Variants in LRP12 observed in about 807,000 individuals in gnomAD.
LRP12 encodes the protein LDL receptor related protein 12, also known as low-density lipoprotein receptor-related protein 12.
LRP12 carries 14 observed loss-of-function variants against 66.0 expected under a neutral mutation model. The observed-to-expected ratio is 0.21, with a 90% CI of 0.14 to 0.33. The LOEUF (loss-of-function observed/expected upper bound fraction) is 0.33. Among genes scored for constraint, LRP12 ranks in the 10% least tolerant of loss-of-function variants. The pLI, the probability that LRP12 is intolerant of heterozygous loss-of-function variation, is 1.00. For missense variants in LRP12, 889 were observed against 1,053.4 expected (o/e 0.84, Z 2.16); for synonymous variants, 357 against 359.1 (o/e 0.99, Z 0.07).
chr8:104,491,108 T>A lies in LRP12; in HGVS notation c.2145A>T (p.Glu715Asp). Residue 715 changes from glutamate (E) to aspartate (D), a missense_variant, in exon 7 of 7, where the codon GAA (glutamate) becomes GAT (aspartate). By Grantham distance (45) the Glu-to-Asp change is conservative. Transcript: ENST00000276654. ...ADNGRDVTSV[E>D]PPSVSPARHQ... ...GACGTGCTGGACTCACACTTGGGGG[T>A]TCCACACTTGTCACATCCCTTCCAT... 2 of 1,613,740 alleles carry A rather than the reference T, an allele frequency of 1.2e-6. No individual in the cohort carries two copies. The highest frequency in any genetic ancestry group is 2.2e-5 in the South Asian group (2 of 91,040).
In LRP12 at chr8:104,501,896, T is replaced by C. The variant is rs142052346; in HGVS notation, c.273-2377A>G. ...TTAGTGCATTTGTTGTCCTAAGATA[T>C]CTTGGTGTTTCCAAAGATCTCAACG... On this transcript the variant is annotated intron_variant, in intron 3 of 6. Transcript: ENST00000276654. Among the ~76,000 whole-genome samples the C allele has an allele frequency of 1.9e-4, 29 of 152,340 alleles. 1 individual carries two copies. In the East Asian group the frequency reaches 5.6e-3, roughly 29 times the overall value.
In LRP12 at chr8:104,491,340, G is replaced by A; in HGVS notation, c.1913C>T (p.Pro638Leu). ...VVPSQSTSREPERNHTHRSLF... is the reference protein window; with the variant it reads ...VVPSQSTSRELERNHTHRSLF... ...ACTTCTGTGAGTATGATTTCTCTCA[G>A]GTTCTCTACTGGTACTCTGACTAGG... Residue 638 changes from proline to leucine, a missense_variant, in exon 7 of 7, where the codon CCT becomes CTT. By Grantham distance (98) the Pro-to-Leu change is moderately conservative. Coordinates refer to ENST00000276654, the MANE Select transcript of LRP12 (RefSeq NM_013437.5). 11 of 1,614,044 alleles carry A rather than the reference G, an allele frequency of 6.8e-6. No individual in the cohort carries two copies. Among genetic ancestry groups the A allele is most frequent in the Non-Finnish European group, 8.5e-6 (10 of 1,180,002 alleles).
intron 1 of LRP12, among the ~76,000 whole-genome samples, chr8:104,576,254 T>G (rs1376701693): frequency 1.3e-5 from 2 of 152,036 alleles, no homozygotes; most frequent in African/African-American, 4.8e-5. Context: ...ACGTTCAAAT[T>G]GAGAAAATGC....
chr8:104,503,912 T>C (rs1810867959), intron 3 of LRP12, among the ~76,000 whole-genome samples: 1 of 152,180 alleles, frequency 6.6e-6, no homozygotes, highest in Non-Finnish European at 1.5e-5. Context: ...GTGCTATAAT[T>C]AACTTTGACA....
chr8:104,513,545 G>A (rs1811028418), intron 2 of LRP12, among the ~76,000 whole-genome samples: 1 of 152,106 alleles, frequency 6.6e-6, no homozygotes. Flanking sequence ...CATGCTAGCA[G>A]GAAAAGGCCA....
At chr8:104,562,954 A>C (rs555409354) in intron 1 of LRP12, among the ~76,000 whole-genome samples, 26 of 152,292 alleles carry the variant, frequency 1.7e-4, no homozygotes, top group African/African-American at 5.8e-4. Flanking sequence ...AGTTCTAGTA[A>C]TAAATTTTAA....
chr8:104,559,696 A>G (rs1811872924), intron 1 of LRP12, among the ~76,000 whole-genome samples: 1 of 152,104 alleles, frequency 6.6e-6, no homozygotes, highest in Non-Finnish European at 1.5e-5. Flanking sequence ...AAAAAAAAGG[A>G]TATCTCTCTA....
chr8:104,570,083 A>T (rs1436077413), intron 1 of LRP12, among the ~76,000 whole-genome samples: 1 of 152,170 alleles, frequency 6.6e-6, no homozygotes, highest in Non-Finnish European at 1.5e-5. Flanking sequence ...CTAACAAAAC[A>T]TACAAAGGAT....
intron 1 of LRP12, among the ~76,000 whole-genome samples, chr8:104,559,971 T>C (rs1338750241): frequency 6.6e-6 from 1 of 152,120 alleles, no homozygotes; most frequent in African/African-American, 2.4e-5. Context: ...TTGTCTCCAG[T>C]TTACCAATGA....
intron 1 of LRP12, among the ~76,000 whole-genome samples, chr8:104,559,784 T>C (rs1323099898): frequency 5.3e-5 from 8 of 152,142 alleles, no homozygotes; most frequent in Admixed American, 5.2e-4. Flanking sequence ...CCATTTGATA[T>C]TCAAAAAAAG....
intron 2 of LRP12, among the ~76,000 whole-genome samples, chr8:104,523,726 A>G (rs1462764679): frequency 6.6e-6 from 1 of 152,184 alleles, no homozygotes; most frequent in Non-Finnish European, 1.5e-5. Context: ...AAGTGCTCCC[A>G]AGAAGCAAAG....
In LRP12 at chr8:104,499,708, C is replaced by T. The variant is rs114524743; in HGVS notation, c.273-189G>A. On this transcript the variant is annotated intron_variant, in intron 3 of 6. Transcript: ENST00000276654. ...ATGTTCCTCATATTTGTATTTCTTC[C>T]CCAGATTGTAGAAAAATAATTCTTC... Among the ~76,000 whole-genome samples the T allele has an allele frequency of 2.2e-3, 330 of 152,146 alleles. 2 individuals carry two copies. The highest frequency in any genetic ancestry group is 7.4e-3 in the African/African-American group (306 of 41,512).
intron 1 of LRP12, among the ~76,000 whole-genome samples, chr8:104,559,240 G>A (rs1811863800): frequency 1.3e-5 from 2 of 152,116 alleles, no homozygotes; most frequent in African/African-American, 4.8e-5. Flanking sequence ...TAAAGAAAAT[G>A]TGGTATACAT....
chr8:104,500,592 A>G (rs1810812381), intron 3 of LRP12, among the ~76,000 whole-genome samples: 1 of 152,142 alleles, frequency 6.6e-6, no homozygotes, highest in African/African-American at 2.4e-5. Flanking sequence ...AATCCCAGCT[A>G]CTCGGGAGGC....
At chr8:104,576,549 A>T (rs1812167963) in intron 1 of LRP12, among the ~76,000 whole-genome samples, 1 of 152,212 alleles carries the variant, frequency 6.6e-6, no homozygotes, top group South Asian at 2.1e-4. Flanking sequence ...CTTTTCAGAC[A>T]TGCGAATGCT....
intron 1 of LRP12, among the ~76,000 whole-genome samples, chr8:104,568,984 A>G (rs1170363395): frequency 6.6e-6 from 1 of 152,204 alleles, no homozygotes; most frequent in Non-Finnish European, 1.5e-5. Context: ...AAATATTCAT[A>G]GCATTATTCA....
intron 1 of LRP12, among the ~76,000 whole-genome samples, chr8:104,551,940 G>A (rs1341422612): frequency 6.6e-6 from 1 of 152,096 alleles, no homozygotes; most frequent in Non-Finnish European, 1.5e-5. Context: ...TCAGATTTTG[G>A]AATTAGGCAT....
At chr8:104,524,198 T>C (rs906049806) in intron 2 of LRP12, among the ~76,000 whole-genome samples, 1 of 138,458 alleles carries the variant, frequency 7.2e-6, no homozygotes, top group Non-Finnish European at 1.5e-5. Context: ...GCTGAGATCA[T>C]GCCGCTGCAC....
chr8:104,492,784 C>A (rs2140827389), intron 6 of LRP12, among the ~76,000 whole-genome samples: 1 of 151,726 alleles, frequency 6.6e-6, no homozygotes, highest in South Asian at 2.1e-4. Context: ...GATATCAGCA[C>A]ACATGGATTT....
Sources: gnomAD v4.1 joint callset for allele counts (sites outside exome capture counted in the v4.1 genomes callset) on GRCh38, gnomAD v4.1.1 for gene constraint, MANE v1.5 for transcripts, NCBI Gene and HGNC (gene_info 2026-07-23, HGNC 2026-07-21) for gene names.